SKI: variants seen among roughly 807,000 people sequenced by gnomAD.
The protein encoded by SKI is ski oncogene.
Under a neutral mutation model 59.3 loss-of-function variants are expected in SKI, and 23 were observed. The observed-to-expected ratio is 0.39, with a 90% CI of 0.28 to 0.55. The LOEUF (loss-of-function observed/expected upper bound fraction) is 0.55. Among genes scored for constraint, SKI ranks in the 20% least tolerant of loss-of-function variants. The pLI is 0.67. For synonymous variants in SKI, 673 were observed against 488.6 expected (o/e 1.38, Z -4.98); for missense variants, 1,017 against 1,038.9 (o/e 0.98, Z 0.29).
chr1:2,260,011 T>C (rs1316507586), intron 1 of SKI, among the ~76,000 whole-genome samples: 1 of 152,252 alleles, frequency 6.6e-6, no homozygotes, highest in Non-Finnish European at 1.5e-5. Flanking sequence ...CACGGTTTTA[T>C]TTCCCTGGAT....
At position 2,292,754 on chromosome 1, in the gene SKI, G is replaced by A. The variant is rs74970069; in HGVS notation, c.970-10224G>A. On this transcript the variant is annotated intron_variant, in intron 1 of 6. Coordinates refer to ENST00000378536, the MANE Select transcript of SKI (RefSeq NM_003036.4). ...TGCCCCTGCTGGGGAGGACGTGAGG[G>A]CCTGTGGCTTTTAGGAACCTTGAGG... Among the ~76,000 whole-genome samples, 151 of 152,350 alleles carry A rather than the reference G, an allele frequency of 9.9e-4. 1 individual carries two copies. The highest frequency in any genetic ancestry group is 3.4e-3 in the African/African-American group (143 of 41,586).
rs878854598 is a variant in SKI at position 2,306,223 on chromosome 1, C to T, written c.1971C>T (p.Gly657=). Residue 657 remains glycine, a synonymous_variant, in exon 6 of 7, where the codon GGC becomes GGT. Coordinates refer to ENST00000378536, the MANE Select transcript of SKI (RefSeq NM_003036.4). ...TGTGCGACAAGGGCTGCGAGGCGGG[C>T]CGCCTGCGCGCCAAGTACTCGGCCC... ...ARVCDKGCEA[G]RLRAKYSAQI... 6 of 1,561,696 alleles carry T rather than the reference C, an allele frequency of 3.8e-6. No homozygotes were observed. The highest frequency in any genetic ancestry group is 5.2e-6 in the Non-Finnish European group (6 of 1,154,134).
At chr1:2,306,426 C>G (rs1057139005) in intron 6 of SKI, 151 bp from the exon 7 acceptor site, 1 of 985,410 alleles carries the variant, frequency 1.0e-6, no homozygotes, top group Non-Finnish European at 1.5e-6. Context: ...CCCTGCGTCT[C>G]GTGAGCCTGT....
intron 1 of SKI, among the ~76,000 whole-genome samples, chr1:2,250,697 T>A (rs548912974): frequency 1.3e-5 from 2 of 152,386 alleles, no homozygotes; most frequent in South Asian, 4.1e-4. Flanking sequence ...CGTGACACGG[T>A]GACCAAGTCT....
intron 1 of SKI, among the ~76,000 whole-genome samples, chr1:2,254,591 G>C (rs935864072): frequency 3.3e-5 from 5 of 152,224 alleles, no homozygotes; most frequent in African/African-American, 1.2e-4. Flanking sequence ...CGGTCTACCT[G>C]TCTGGCCTTG....
At chr1:2,254,139 C>T (rs999781262) in intron 1 of SKI, among the ~76,000 whole-genome samples, 4 of 152,198 alleles carry the variant, frequency 2.6e-5, no homozygotes, top group Non-Finnish European at 4.4e-5. Flanking sequence ...TTGGCACTGG[C>T]GCTGCTCCTC....
At chr1:2,276,313 A>G (rs925483904) in intron 1 of SKI, among the ~76,000 whole-genome samples, 2 of 151,590 alleles carry the variant, frequency 1.3e-5, no homozygotes, top group African/African-American at 2.4e-5. Context: ...TCAGAAGTTC[A>G]CCTGCTGCAC....
At chr1:2,286,426 G>A (rs1035602227) in intron 1 of SKI, among the ~76,000 whole-genome samples, 7 of 152,164 alleles carry the variant, frequency 4.6e-5, no homozygotes, top group Non-Finnish European at 7.3e-5. Context: ...AGCCTGGGAG[G>A]CAGAGATTGC....
chr1:2,232,171 C>G (rs1638653423), intron 1 of SKI, among the ~76,000 whole-genome samples: 1 of 152,264 alleles, frequency 6.6e-6, no homozygotes, highest in Non-Finnish European at 1.5e-5. Context: ...TTGATTTCTT[C>G]ACTTCCTTTG....
chr1:2,229,730 C>T lies in SKI; in HGVS notation c.964C>T (p.Pro322Ser), dbSNP rs779317743. ...DYGNKYKRRV[P>S]RVSSEPPASI... ...TGGCAACAAGTACAAGCGGCGGGTG[C>T]CCCGGGTGAGTGGCCCCAGGCCTGG... Residue 322 changes from proline (P) to serine (S), a missense_variant, in exon 1 of 7, where the codon CCC becomes TCC. By Grantham distance (74) the Pro-to-Ser change is moderately conservative. Coordinates refer to ENST00000378536, the MANE Select transcript of SKI (RefSeq NM_003036.4). This position sits in a 1 kb window ranked among gnomAD's most constrained non-coding sequence, Gnocchi z 6.3. The T allele has an allele frequency of 1.5e-5, 23 of 1,559,462 alleles. No homozygotes were observed. The highest frequency in any genetic ancestry group is 1.9e-5 in the Non-Finnish European group (22 of 1,152,426).
intron 1 of SKI, among the ~76,000 whole-genome samples, chr1:2,246,470 C>T (rs562512102): frequency 6.6e-6 from 1 of 152,242 alleles, no homozygotes; most frequent in East Asian, 1.9e-4. Flanking sequence ...CTGCGTGCAC[C>T]GTGGTCGGAT....
chr1:2,298,016 T>G (rs1640328817), intron 1 of SKI, among the ~76,000 whole-genome samples: 1 of 152,154 alleles, frequency 6.6e-6, no homozygotes, highest in Non-Finnish European at 1.5e-5. Context: ...AGAGTGCAGT[T>G]TTGACACCGG....
intron 1 of SKI, among the ~76,000 whole-genome samples, chr1:2,292,993 T>C (rs1448714703): frequency 6.6e-6 from 1 of 152,150 alleles, no homozygotes; most frequent in Non-Finnish European, 1.5e-5. Context: ...GAGTGGGGCC[T>C]GCTGTTGTCT....
intron 1 of SKI, among the ~76,000 whole-genome samples, chr1:2,274,245 T>C (rs1196544875): frequency 6.6e-6 from 1 of 152,198 alleles, no homozygotes; most frequent in Non-Finnish European, 1.5e-5. Flanking sequence ...ATTGGTTAAA[T>C]AAAGACACAA....
intron 1 of SKI, among the ~76,000 whole-genome samples, chr1:2,248,224 C>T (rs1639041338): frequency 3.3e-5 from 5 of 152,190 alleles, no homozygotes; most frequent in Admixed American, 3.3e-4. Flanking sequence ...TTTGGCCTGG[C>T]TGGGTGGTGC....
At chr1:2,245,986 G>A (rs978281322) in intron 1 of SKI, among the ~76,000 whole-genome samples, 4 of 151,606 alleles carry the variant, frequency 2.6e-5, no homozygotes, top group Admixed American at 1.3e-4. Context: ...TAGTAGAGAC[G>A]GGTTTCGCCA....
At chr1:2,288,234 G>A (rs573234068) in intron 1 of SKI, among the ~76,000 whole-genome samples, 3 of 152,196 alleles carry the variant, frequency 2.0e-5, no homozygotes, top group East Asian at 3.9e-4. Flanking sequence ...TGATCCACCC[G>A]CCTCAGCCTC....
Position 2,231,035 on chromosome 1 carries a change from G to A in SKI, c.969+1300G>A, listed in dbSNP as rs546376345. The stretch of plus-strand genomic sequence containing the variant: ...CCAGGCCAGGGCTCAGGTGGCAGCC[G>A]CCTGCAGACCTGTGGGCTGGGGAAG... On this transcript the variant is annotated intron_variant, in intron 1 of 6. Coordinates refer to ENST00000378536, the MANE Select transcript of SKI (RefSeq NM_003036.4). Among the ~76,000 whole-genome samples, 64 of 152,286 alleles carry A rather than the reference G, an allele frequency of 4.2e-4. 1 individual carries two copies. The Middle Eastern group carries it at 0.02, about 49-fold the overall frequency.
chr1:2,252,902 C>T (rs1329988928), intron 1 of SKI, among the ~76,000 whole-genome samples: 1 of 152,048 alleles, frequency 6.6e-6, no homozygotes, highest in Non-Finnish European at 1.5e-5. Context: ...TGAGACCAGC[C>T]TGGATCAAAA....
Sources: gnomAD v4.1 joint callset for allele counts (sites outside exome capture counted in the v4.1 genomes callset) on GRCh38, gnomAD v4.1.1 for gene constraint, Gnocchi (gnomAD v3.1) non-coding constraint, MANE v1.5 for transcripts, NCBI Gene and HGNC (gene_info 2026-07-23, HGNC 2026-07-21) for gene names.